The following SVIL variants were observed in gnomAD, a reference collection of about 807,000 sequenced individuals.
SVIL encodes the protein supervillin.
SVIL carries 101 observed loss-of-function variants against 240.4 expected under a neutral mutation model. That is an observed-to-expected ratio of 0.42 (90% CI 0.36 to 0.50). SVIL has a LOEUF of 0.50. Ranked by LOEUF, SVIL falls within the 20% of genes least tolerant of loss-of-function variation. The pLI is 0.01. For synonymous variants in SVIL, 999 were observed against 1,100.0 expected (o/e 0.91, Z 1.82); for missense variants, 2,512 against 2,818.7 (o/e 0.89, Z 2.46).
chr10:29,677,977 A>G (rs1385403877), intron 2 of SVIL, among the ~76,000 whole-genome samples: 1 of 152,166 alleles, frequency 6.6e-6, no homozygotes, highest in Non-Finnish European at 1.5e-5. Context: ...TTTGTCTAAA[A>G]TGGGCAAATA....
chr10:29,729,699 T>C (rs1424352301), intron 1 of SVIL, among the ~76,000 whole-genome samples: 4 of 98,538 alleles, frequency 4.1e-5, no homozygotes, highest in Admixed American at 1.8e-4. Context: ...CTGGGTGTGG[T>C]GGCACGCACC....
intron 6 of SVIL, among the ~76,000 whole-genome samples, chr10:29,540,928 A>G (rs1379594550): frequency 1.3e-5 from 2 of 152,228 alleles, no homozygotes. Flanking sequence ...CCTGATCATA[A>G]TACTGAGGGG....
Position 29,550,694 on chromosome 10 carries a change from G to A in SVIL, c.730C>T (p.Arg244Trp), listed in dbSNP as rs1341237200. 6 of 1,614,150 alleles carry A rather than the reference G, an allele frequency of 3.7e-6. No homozygotes were observed. The highest frequency in any genetic ancestry group is 1.1e-5 in the South Asian group (1 of 91,082). The stretch of plus-strand genomic sequence containing the variant: ...GAGCTGTGGGCGTGCTTGGGGGACC[G>A]TGGCACTTCAGTGAAGGAGGAGTCT... ...GRDSSFTEVP[R>W]SPKHAHSSSL... is the part of the protein sequence containing the mutation. Residue 244 changes from arginine to tryptophan, a missense_variant, in exon 6 of 38, where the codon CGG becomes TGG. Physicochemically the swap from Arg to Trp is moderately radical, Grantham distance 101. This residue lies in a region of SVIL where 1,443 missense variants were observed against 1,486.6 expected (regional missense o/e 0.97). Coordinates refer to ENST00000355867, the MANE Select transcript of SVIL (RefSeq NM_021738.3).
Position 29,465,661 on chromosome 10 carries a change from G to A in SVIL, c.6067C>T (p.Arg2023Ter). The stretch of plus-strand genomic sequence containing the variant: ...ATGGAACTGACCACAGAGGGGGCTC[G>A]GGCAGGGTACACAAACTCTGTGGCT... Reference protein sequence around the residue: ...FAATEFVYPARAPSVVSSMPF... With the variant: ...FAATEFVYPA Residue 2023 changes from arginine (R) to a stop codon, truncating the protein, a stop_gained, in exon 34 of 38, where the codon CGA (arginine) becomes TGA (stop). Coordinates refer to ENST00000355867, the MANE Select transcript of SVIL (RefSeq NM_021738.3). LOFTEE classifies it high-confidence loss of function. 3 of 1,613,760 alleles carry A rather than the reference G, an allele frequency of 1.9e-6. No homozygotes were observed. The highest frequency in any genetic ancestry group is 2.5e-6 in the Non-Finnish European group (3 of 1,179,986).
chr10:29,531,130 C>T (rs1196526508), intron 10 of SVIL, 124 bp downstream of exon 10: 2 of 916,460 alleles, frequency 2.2e-6, no homozygotes, highest in Non-Finnish European at 3.3e-6. Flanking sequence ...GAACGAAAAC[C>T]TGCAGCAAAG....
intron 1 of SVIL, among the ~76,000 whole-genome samples, chr10:29,576,904 C>T (rs772383238): frequency 9.2e-5 from 14 of 151,716 alleles, no homozygotes; most frequent in South Asian, 4.2e-4. Context: ...TTTTTTTAGA[C>T]GAAGTCTTGC....
intron 7 of SVIL, among the ~76,000 whole-genome samples, chr10:29,535,391 G>A (rs1951671703): frequency 6.6e-6 from 1 of 152,204 alleles, no homozygotes; most frequent in Non-Finnish European, 1.5e-5. Context: ...AGAACAAAGT[G>A]ACTGTCAGAA....
At chr10:29,506,635 A>AT (rs1173878092) in intron 17 of SVIL, among the ~76,000 whole-genome samples, 13 of 136,414 alleles carry the variant, frequency 9.5e-5, no homozygotes, top group African/African-American at 3.4e-4. Flanking sequence ...CAGAGGCCCT[A>AT]GAGGGAGGGG....
chr10:29,674,197 T>A lies in SVIL; in HGVS notation c.-301+12356A>T, dbSNP rs1475158859. Reference sequence around the variant, plus strand: ...AAAAAATTAAAAAATTAGCCAGACGTGGTGGTGTGCACCTGTGGTCCCAGC... The same window carrying A: ...AAAAAATTAAAAAATTAGCCAGACGAGGTGGTGTGCACCTGTGGTCCCAGC... On this transcript the variant is annotated intron_variant, in intron 2 of 35. Coordinates refer to the SVIL transcript ENST00000375400. 4.6e-5 allele frequency among the ~76,000 whole-genome samples: 7 copies of A among 151,948 alleles called. No individual in the cohort carries two copies. The East Asian group carries it at 7.7e-4, about 17-fold the overall frequency.
chr10:29,707,401 A>G lies in SVIL; in HGVS notation c.-399-20750T>C, dbSNP rs189673041. Among the ~76,000 whole-genome samples the G allele has an allele frequency of 2.3e-3, 343 of 152,246 alleles. 1 individual carries two copies. Among genetic ancestry groups the G allele is most frequent in the African/African-American group, 7.9e-3 (330 of 41,548 alleles). Reference sequence around the variant, plus strand: ...TAGGTATTTTATTGTCTTTGTAGCAATTGTGATTGGGAGTTCATTCATGAT... The same window carrying G: ...TAGGTATTTTATTGTCTTTGTAGCAGTTGTGATTGGGAGTTCATTCATGAT... On this transcript the variant is annotated intron_variant, in intron 1 of 35. Transcript: ENST00000375400.
intron 12 of SVIL, among the ~76,000 whole-genome samples, chr10:29,527,264 A>C (rs1258425348): frequency 6.6e-6 from 1 of 152,208 alleles, no homozygotes; most frequent in Non-Finnish European, 1.5e-5. Context: ...ACCCAAAGCA[A>C]ATGGGGTAAG....
intron 6 of SVIL, among the ~76,000 whole-genome samples, chr10:29,543,796 G>T (rs763407385): frequency 6.6e-6 from 1 of 152,042 alleles, no homozygotes; most frequent in African/African-American, 2.4e-5. Flanking sequence ...TACTTAAAAA[G>T]CCTTGTTCTC....
intron 16 of SVIL, among the ~76,000 whole-genome samples, chr10:29,518,099 T>TAAA (rs1950331294): frequency 2.6e-5 from 4 of 151,030 alleles, no homozygotes; most frequent in African/African-American, 9.7e-5. Flanking sequence ...GAAAAAAAAT[T>TAAA]TTTTTAAGGC....
At chr10:29,560,685 A>G (rs1215207631) in intron 3 of SVIL, among the ~76,000 whole-genome samples, 1 of 152,066 alleles carries the variant, frequency 6.6e-6, no homozygotes, top group Non-Finnish European at 1.5e-5. Context: ...TATTGCTAAG[A>G]GCTGACACAC....
At chr10:29,532,212 C>G in intron 8 of SVIL, 40 bp from the exon 9 acceptor site, 1 of 1,595,928 alleles carries the variant, frequency 6.3e-7, no homozygotes. Context: ...GGAAGGCAAA[C>G]GAAGACAGAG....
chr10:29,472,453 C>T (rs1296347583), intron 30 of SVIL, among the ~76,000 whole-genome samples: 3 of 152,188 alleles, frequency 2.0e-5, no homozygotes, highest in African/African-American at 4.8e-5. Flanking sequence ...CTCCTGCTAT[C>T]GTTAATCATT....
intron 1 of SVIL, among the ~76,000 whole-genome samples, chr10:29,718,777 G>C (rs1407615068): frequency 6.6e-6 from 1 of 152,124 alleles, no homozygotes; most frequent in Non-Finnish European, 1.5e-5. Context: ...AACAGTGTCT[G>C]GTACTGATGC....
At chr10:29,724,764 G>A (rs763750203) in intron 1 of SVIL, among the ~76,000 whole-genome samples, 5 of 152,126 alleles carry the variant, frequency 3.3e-5, no homozygotes, top group Admixed American at 2.0e-4. Flanking sequence ...GCTCACGCCT[G>A]TAATCCCGGC....
chr10:29,644,770 G>A (rs1421996895), intron 3 of SVIL, among the ~76,000 whole-genome samples: 2 of 152,204 alleles, frequency 1.3e-5, no homozygotes, highest in African/African-American at 4.8e-5. Flanking sequence ...CCTGGGCCAT[G>A]TCTCCTTGAC....
Sources: gnomAD v4.1 joint callset for allele counts (sites outside exome capture counted in the v4.1 genomes callset) on GRCh38, gnomAD v4.1.1 for gene constraint, gnomAD v4.1.1 regional missense constraint, MANE v1.5 for transcripts, NCBI Gene and HGNC (gene_info 2026-07-23, HGNC 2026-07-21) for gene names.